The following TADA2A variants were observed in gnomAD, a reference collection of about 807,000 sequenced individuals.
TADA2A encodes transcriptional adapter 2-alpha.
A neutral mutation model predicts 67.4 loss-of-function variants in TADA2A; 38 were observed. That is an observed-to-expected ratio of 0.56 (90% CI 0.44 to 0.74). The LOEUF (loss-of-function observed/expected upper bound fraction) is 0.74, where lower values mean the gene tolerates loss of function less well. Among genes scored for constraint, TADA2A ranks in the 30% least tolerant of loss-of-function variants. TADA2A has a pLI of 0.00. For missense variants in TADA2A, 454 were observed against 547.0 expected, an observed-to-expected ratio of 0.83 and a Z score of 1.70; for synonymous variants, 192 against 181.6, an observed-to-expected ratio of 1.06 and a Z score of -0.46.
At chr17:37,428,930 C>G (rs2052488589) in intron 4 of TADA2A, among the ~76,000 whole-genome samples, 1 of 151,216 alleles carries the variant, frequency 6.6e-6, no homozygotes, top group Non-Finnish European at 1.5e-5. Flanking sequence ...CCTGTAGTCC[C>G]AGCTACTCGG....
intron 8 of TADA2A, 60 bp downstream of exon 8, chr17:37,444,828 G>A: frequency 6.8e-7 from 1 of 1,477,596 alleles, no homozygotes; most frequent in Non-Finnish European, 9.4e-7. Flanking sequence ...CACTGTCTTG[G>A]GTGCTAGGAA....
chr17:37,431,660 C>T (rs1041662540), intron 4 of TADA2A, among the ~76,000 whole-genome samples: 17 of 151,514 alleles, frequency 1.1e-4, no homozygotes, highest in Non-Finnish European at 1.8e-4. Context: ...CTGCAACCTC[C>T]GACTCCTGGG....
chr17:37,447,800 G>A (rs1477806797), intron 8 of TADA2A, among the ~76,000 whole-genome samples: 1 of 152,152 alleles, frequency 6.6e-6, no homozygotes, highest in East Asian at 1.9e-4. Context: ...ACTCAGTGAA[G>A]TGCACTAGGA....
intron 1 of TADA2A, among the ~76,000 whole-genome samples, chr17:37,409,871 C>A (rs1399685239): frequency 6.6e-6 from 1 of 151,950 alleles, no homozygotes; most frequent in African/African-American, 2.4e-5. Flanking sequence ...AAAGAAGATA[C>A]TTTGGGCCAG....
chr17:37,452,639 C>T (rs1193495293), intron 8 of TADA2A, among the ~76,000 whole-genome samples: 8 of 152,160 alleles, frequency 5.3e-5, no homozygotes, highest in East Asian at 3.9e-4. Context: ...ACCAGCATAA[C>T]ATTCTAAAGC....
At chr17:37,445,462 C>T (rs962835342) in intron 8 of TADA2A, among the ~76,000 whole-genome samples, 1 of 152,100 alleles carries the variant, frequency 6.6e-6, no homozygotes, top group African/African-American at 2.4e-5. Context: ...GATGGGGTTT[C>T]GCCATGTTGG....
chr17:37,439,938 A>T lies in TADA2A; in HGVS notation c.285-567A>T, dbSNP rs796651221. Among the ~76,000 whole-genome samples, 643 of 105,542 alleles carry T rather than the reference A, an allele frequency of 6.1e-3. 6 individuals are homozygous for T. The highest frequency in any genetic ancestry group is 0.015 in the African/African-American group (360 of 23,766). 69.2% of individuals were successfully genotyped at this position (105,542 alleles called of 152,430 possible). On this transcript the variant is annotated intron_variant, in intron 5 of 15. Transcript: ENST00000615182. Reference sequence around the variant, plus strand: ...TATTTATTTATTTATTTATTTATTTATTTATTATTTTTTTTTTTTTTTGAG... The same window carrying T: ...TATTTATTTATTTATTTATTTATTTTTTTATTATTTTTTTTTTTTTTTGAG...
At chr17:37,468,600 C>A (rs954533073) in intron 12 of TADA2A, among the ~76,000 whole-genome samples, 1 of 151,810 alleles carries the variant, frequency 6.6e-6, no homozygotes, top group Non-Finnish European at 1.5e-5. Context: ...CTCCTGGCCT[C>A]AAGCAGTCCT....
intron 2 of TADA2A, among the ~76,000 whole-genome samples, chr17:37,413,749 C>T (rs1293088616): frequency 6.6e-6 from 1 of 151,808 alleles, no homozygotes; most frequent in Non-Finnish European, 1.5e-5. Context: ...GATGATTCCC[C>T]CCCCACCCCC....
At chr17:37,467,145 T>A (rs2053681748) in intron 11 of TADA2A, among the ~76,000 whole-genome samples, 1 of 151,990 alleles carries the variant, frequency 6.6e-6, no homozygotes, top group Non-Finnish European at 1.5e-5. Flanking sequence ...AGAGCGAGAC[T>A]CTGTCTCAAA....
At chr17:37,412,257 A>G (rs1377931878) in intron 2 of TADA2A, among the ~76,000 whole-genome samples, 1 of 151,742 alleles carries the variant, frequency 6.6e-6, no homozygotes, top group Admixed American at 6.6e-5. Flanking sequence ...GAGATGGACC[A>G]GGCATATTCT....
Position 37,465,509 on chromosome 17 carries a change from TGGAACATGACAAATTCATTGAAA to T in TADA2A, c.793_815del (p.Glu265ProfsTer6). ...CGATTTGCAAGAATTGTGGGGCCAG[TGGAACATGACAAATTCATTGAAA>T]GCCATGCATGTAGGTGGTTTTTGAG... On this transcript the variant is annotated frameshift_variant, in exon 11 of 16. Transcript: ENST00000615182. LOFTEE classifies it high-confidence loss of function. The T allele has an allele frequency of 6.2e-7, 1 of 1,614,122 alleles. No individual in the cohort carries two copies. Among genetic ancestry groups the T allele is most frequent in the South Asian group, 1.1e-5 (1 of 91,076 alleles).
intron 4 of TADA2A, among the ~76,000 whole-genome samples, chr17:37,436,781 C>CT (rs943712764): frequency 1.4e-4 from 21 of 146,540 alleles, no homozygotes; most frequent in South Asian, 4.3e-4. Flanking sequence ...CCATAGTAAC[C>CT]TTTTTTTTTT....
chr17:37,422,881 A>G (rs141977341), intron 2 of TADA2A, among the ~76,000 whole-genome samples: 1 of 152,302 alleles, frequency 6.6e-6, no homozygotes, highest in Admixed American at 6.5e-5. Flanking sequence ...TTGTATGTGC[A>G]GGTATGTGTC....
intron 11 of TADA2A, among the ~76,000 whole-genome samples, chr17:37,466,616 G>T (rs570601508): frequency 1.3e-5 from 2 of 152,260 alleles, no homozygotes; most frequent in East Asian, 1.9e-4. Context: ...TCTGAGCCAG[G>T]TTGGTTGTCC....
chr17:37,411,435 T>C, intron 2 of TADA2A, 45 bp downstream of exon 2: 1 of 1,568,276 alleles, frequency 6.4e-7, no homozygotes, highest in Non-Finnish European at 8.8e-7. Flanking sequence ...TTATTATTTT[T>C]TTTTTGAGAT....
In TADA2A at chr17:37,479,232, G is replaced by A. The variant is rs1485356350; in HGVS notation, c.*2250G>A. 1.3e-5 allele frequency: 2 copies of A among 152,370 alleles called. No individual in the cohort carries two copies. Among genetic ancestry groups the A allele is most frequent in the Non-Finnish European group, 2.9e-5 (2 of 68,084 alleles). 9.4% of individuals were successfully genotyped at this position (152,370 alleles called of 1,614,324 possible). ...GAATGATGTGGAGGCAGCAGTGGGT[G>A]TAAGGACAATGGTGCCAAGAGATTT... is the stretch of plus-strand genomic sequence containing the variant. On this transcript the variant is annotated 3_prime_UTR_variant, in exon 16 of 16. Transcript: ENST00000615182.
rs544830271 is a variant in TADA2A at position 37,466,226 on chromosome 17, A to G, written c.823+685A>G. Among the ~76,000 whole-genome samples, 151 of 152,230 alleles carry G rather than the reference A, an allele frequency of 9.9e-4. 2 individuals carry two copies. In the South Asian group the frequency reaches 0.019, roughly 19 times the overall value. ...GCTTGAGTCGAGGAGTTCGAGACCA[A>G]TCTGGGCAACATAGTAAAACTCCAT... On this transcript the variant is annotated intron_variant, in intron 11 of 15. Transcript: ENST00000615182.
intron 10 of TADA2A, among the ~76,000 whole-genome samples, chr17:37,463,900 C>G (rs2053603062): frequency 6.6e-6 from 1 of 151,974 alleles, no homozygotes; most frequent in African/African-American, 2.4e-5. Context: ...TCGCAGTGAG[C>G]CAAGATCGTG....
Sources: gnomAD v4.1 joint callset for allele counts (sites outside exome capture counted in the v4.1 genomes callset) on GRCh38, gnomAD v4.1.1 for gene constraint, MANE v1.5 for transcripts, NCBI Gene and HGNC (gene_info 2026-07-23, HGNC 2026-07-21) for gene names.